KRT84: variants seen among roughly 807,000 people sequenced by gnomAD.
The protein encoded by KRT84 is keratin, type II cuticular Hb4.
A neutral mutation model predicts 49.0 loss-of-function variants in KRT84; 38 were observed. The ratio of observed to expected loss-of-function variants is 0.78; its 90% CI spans 0.60 to 1.02. KRT84 has a LOEUF of 1.02. Ranked by LOEUF, KRT84 falls within the 50% of genes least tolerant of loss-of-function variation. The pLI, the probability that KRT84 is intolerant of heterozygous loss-of-function variation, is 0.00. For missense variants in KRT84, 860 were observed against 788.6 expected (o/e 1.09, Z -1.08); for synonymous variants, 334 against 312.8 (o/e 1.07, Z -0.72).
At chr12:52,378,913 G>A (rs1939433694) in intron 8 of KRT84, among the ~76,000 whole-genome samples, 1 of 152,208 alleles carries the variant, frequency 6.6e-6, no homozygotes, top group Non-Finnish European at 1.5e-5. Context: ...ACAACTCCAT[G>A]CCTCAGGACT....
Position 52,385,495 on chromosome 12 carries a change from A to T in KRT84, c.91T>A (p.Phe31Ile). 1 of 1,614,240 alleles carries T rather than the reference A, an allele frequency of 6.2e-7. No homozygotes were observed. The highest frequency in any genetic ancestry group is 8.5e-7 in the Non-Finnish European group (1 of 1,180,040). ...CAACAGGAGACAGAGTTGGCCCGGA[A>T]GCGATTCAGGTTCTGTGGTGTCATT... Reference protein sequence around the residue: ...SAMTPQNLNRFRANSVSCWSG... With the variant: ...SAMTPQNLNRIRANSVSCWSG... Residue 31 changes from phenylalanine (F) to isoleucine (I), a missense_variant, in exon 1 of 9, where the codon TTC (phenylalanine) becomes ATC (isoleucine). Transcript: ENST00000257951.
At chr12:52,378,777 C>T (rs1939431303) in intron 8 of KRT84, among the ~76,000 whole-genome samples, 1 of 152,286 alleles carries the variant, frequency 6.6e-6, no homozygotes, top group Non-Finnish European at 1.5e-5. Context: ...TTGTATTATG[C>T]CCCTTGGTGG....
chr12:52,380,885 C>T lies in KRT84; in HGVS notation c.1203+195G>A, dbSNP rs1228156464. Among the ~76,000 whole-genome samples the T allele has an allele frequency of 2.0e-5, 3 of 152,270 alleles. 1 individual carries two copies. The highest frequency in any genetic ancestry group is 6.8e-3 in the Middle Eastern group (2 of 294). Reference sequence around the variant, plus strand: ...ACCTTCCCTGCTGGGTCTGCTCTAGCCCTTTACTTCTATGTGGGAAGCTCT... The same window carrying T: ...ACCTTCCCTGCTGGGTCTGCTCTAGTCCTTTACTTCTATGTGGGAAGCTCT... On this transcript the variant is annotated intron_variant, in intron 6 of 8. Coordinates refer to ENST00000257951, the MANE Select transcript of KRT84 (RefSeq NM_033045.4).
At chr12:52,384,953 C>G in intron 1 of KRT84, 87 bp downstream of exon 1, 1 of 1,356,548 alleles carries the variant, frequency 7.4e-7, no homozygotes, top group Non-Finnish European at 1.0e-6. Flanking sequence ...TCCCCAGAAC[C>G]GGGCCAGTTC....
At chr12:52,381,271 T>C (rs531341614) in intron 5 of KRT84, 66 bp from the exon 6 acceptor site, 365 of 1,609,640 alleles carry the variant, frequency 2.3e-4, no homozygotes, top group African/African-American at 1.5e-3. Context: ...CCCACTGAGT[T>C]GGGGGCTTCA....
upstream of KRT84, among the ~76,000 whole-genome samples, chr12:52,386,393 AT>A (rs141601326): frequency 0.33 from 45,921 of 138,290 alleles, 9,314 homozygotes; most frequent in African/African-American, 0.6. Context: ...TTTATCTTAA[AT>A]TTTTTTTTTT....
upstream of KRT84, among the ~76,000 whole-genome samples, chr12:52,386,947 C>T (rs1939580971): frequency 6.6e-6 from 1 of 152,120 alleles, no homozygotes; most frequent in Non-Finnish European, 1.5e-5. Flanking sequence ...AAGCATCCAG[C>T]TCATTTGTGC....
chr12:52,381,603 A>C, intron 4 of KRT84, 78 bp from the exon 5 acceptor site: 1 of 1,437,432 alleles, frequency 7.0e-7, no homozygotes, highest in South Asian at 1.3e-5. Context: ...GGGGCCCAGG[A>C]AGTGGTGCCA....
chr12:52,383,700 C>T lies in KRT84; in HGVS notation c.645G>A (p.Glu215=). ...GCCTCCGCAGGTTGGTGATGTAGCTCTCGAAGAGTGGCTCCAGATTGCTCC... is the reference window on the plus strand; with the variant it reads ...GCCTCCGCAGGTTGGTGATGTAGCTTTCGAAGAGTGGCTCCAGATTGCTCC... The part of the protein sequence containing the change: ...CIRSNLEPLF[E]SYITNLRRQL... Residue 215 remains glutamate (E), a synonymous_variant, in exon 2 of 9, where the codon GAG becomes GAA. Transcript: ENST00000257951. 1 of 1,614,198 alleles carries T rather than the reference C, an allele frequency of 6.2e-7. No individual in the cohort carries two copies.
chr12:52,380,412 C>G lies in KRT84; in HGVS notation c.1375G>C (p.Asp459His). Reference protein sequence around the residue: ...QELMNAKLGLDIEIATYRRLL... With the variant: ...QELMNAKLGLHIEIATYRRLL... The stretch of plus-strand genomic sequence containing the variant: ...CGCCTGTAGGTGGCGATCTCGATGT[C>G]CAGGCCCAGCTTGGCATTCATCAGC... Residue 459 changes from aspartate (D) to histidine (H), a missense_variant, in exon 7 of 9, where the codon GAC becomes CAC. By Grantham distance (81) the Asp-to-His change is moderately conservative. Transcript: ENST00000257951. The G allele has an allele frequency of 3.7e-6, 6 of 1,614,220 alleles. No individual in the cohort carries two copies. The highest frequency in any genetic ancestry group is 5.1e-6 in the Non-Finnish European group (6 of 1,180,046).
Position 52,381,457 on chromosome 12 carries a change from G to T in KRT84, c.981C>A (p.Asp327Glu), listed in dbSNP as rs1450998714. 9 of 1,614,012 alleles carry T rather than the reference G, an allele frequency of 5.6e-6. No individual in the cohort carries two copies. Among genetic ancestry groups the T allele is most frequent in the Non-Finnish European group, 7.6e-6 (9 of 1,180,028 alleles). ...CAGCAATGATCCCATCAAGGTTCAG[G>T]TCACGGCTGTTGTCCATCTTCACAA... Reference protein sequence around the residue: ...SVIVKMDNSRDLNLDGIIAEV... With the variant: ...SVIVKMDNSRELNLDGIIAEV... The change falls in exon 5 of 9, where the codon GAC becomes GAA. Residue 327 changes from aspartate to glutamate, a missense_variant. Coordinates refer to ENST00000257951, the MANE Select transcript of KRT84 (RefSeq NM_033045.4).
At chr12:52,380,042 G>A in intron 7 of KRT84, 135 bp from the exon 8 acceptor site, 3 of 771,750 alleles carry the variant, frequency 3.9e-6, no homozygotes, top group Non-Finnish European at 2.1e-6. Flanking sequence ...ACACATCTGG[G>A]GAGCGTTGAA....
At position 52,385,508 on chromosome 12, in the gene KRT84, C is replaced by T. The variant is rs137938649; in HGVS notation, c.78G>A (p.Gln26=). The change falls in exon 1 of 9, where the codon CAG becomes CAA. Residue 26 remains glutamine (Q), a synonymous_variant. Transcript: ENST00000257951. ...NFSSCSAMTP[Q]NLNRFRANSV... is the part of the protein sequence containing the mutation. ...AGTTGGCCCGGAAGCGATTCAGGTT[C>T]TGTGGTGTCATTGCTGAACAAGAGC... is the stretch of plus-strand genomic sequence containing the variant. 324 of 1,614,234 alleles carry T rather than the reference C, an allele frequency of 2.0e-4. 1 individual carries two copies. The African/African-American group carries it at 2.4e-3, about 12-fold the overall frequency.
At chr12:52,380,782 C>T (rs1352654547) in intron 6 of KRT84, among the ~76,000 whole-genome samples, 199 bp from the exon 7 acceptor site, 1 of 152,188 alleles carries the variant, frequency 6.6e-6, no homozygotes, top group Admixed American at 6.5e-5. Flanking sequence ...TGTTTCCATC[C>T]CCACTGACTT....
chr12:52,379,372 T>C (rs1045551064), intron 8 of KRT84, among the ~76,000 whole-genome samples: 3 of 152,218 alleles, frequency 2.0e-5, no homozygotes, highest in Non-Finnish European at 4.4e-5. Flanking sequence ...ATTCTATTTC[T>C]AGAGAGCGTG....
Position 52,381,391 on chromosome 12 carries a change from C to T in KRT84, c.1047G>A (p.Arg349=), listed in dbSNP as rs114877532. The change falls in exon 5 of 9, where the codon CGG becomes CGA. Residue 349 remains arginine, a synonymous_variant. Coordinates refer to ENST00000257951, the MANE Select transcript of KRT84 (RefSeq NM_033045.4). ...AQYEEVARRS[R]ADAEAWYQTK... is the part of the protein sequence containing the mutation. Reference sequence around the variant, plus strand: ...TCTGGTACCAGGCCTCAGCATCAGCCCGGCTGCGCCTGGCCACCTCCTCAT... The same window carrying T: ...TCTGGTACCAGGCCTCAGCATCAGCTCGGCTGCGCCTGGCCACCTCCTCAT... 1.8e-4 allele frequency: 294 copies of T among 1,614,200 alleles called. 2 individuals are homozygous for T. The African/African-American group carries it at 3.8e-3, about 21-fold the overall frequency.
In KRT84 at chr12:52,385,409, T is replaced by A; in HGVS notation, c.177A>T (p.Gly59=). 1 of 1,614,030 alleles carries A rather than the reference T, an allele frequency of 6.2e-7. No individual in the cohort carries two copies. The highest frequency in any genetic ancestry group is 8.5e-7 in the Non-Finnish European group (1 of 1,179,990). Residue 59 remains glycine (G), a synonymous_variant, in exon 1 of 9, where the codon GGA becomes GGT. Coordinates refer to ENST00000257951, the MANE Select transcript of KRT84 (RefSeq NM_033045.4). ...CAGCTGCTATCCGGGGTGAGTACGA[T>A]CCAAAGGTGATGACACTCCGACTAC... is the stretch of plus-strand genomic sequence containing the variant. The part of the protein sequence containing the change: ...SFGSRSVITF[G]SYSPRIAAVG...
At chr12:52,383,842 G>A in intron 1 of KRT84, 44 bp from the exon 2 acceptor site, 1 of 1,526,992 alleles carries the variant, frequency 6.5e-7, no homozygotes, top group Non-Finnish European at 9.0e-7. Context: ...GTGCTTGATA[G>A]GGTTCATGCC....
At chr12:52,379,085 C>G (rs905692506) in intron 8 of KRT84, among the ~76,000 whole-genome samples, 1 of 152,204 alleles carries the variant, frequency 6.6e-6, no homozygotes, top group African/African-American at 2.4e-5. Flanking sequence ...GACCACTCAC[C>G]GCCTCCATGG....
Sources: allele counts gnomAD v4.1 joint callset (sites outside exome capture counted in the v4.1 genomes callset), GRCh38; gene constraint gnomAD v4.1.1; transcripts MANE v1.5; gene names NCBI Gene and HGNC (gene_info 2026-07-23, HGNC 2026-07-21).